Variants in TP63 observed in about 807,000 individuals in gnomAD.
TP63 encodes the protein tumor protein 63.
In TP63, 17 loss-of-function variants were observed where a neutral mutation model predicts 82.8. The observed-to-expected ratio is 0.21, with a 90% confidence interval of 0.14 to 0.31. TP63 has a LOEUF of 0.31. Ranked by LOEUF, TP63 falls within the 10% of genes least tolerant of loss-of-function variation. The probability of loss-of-function intolerance (pLI) is 1.00; values close to 1 mark genes in which losing one functional copy is unlikely to be tolerated. For missense variants in TP63, 648 were observed against 895.3 expected (o/e 0.72, Z 3.52); for synonymous variants, 330 against 321.7 (o/e 1.03, Z -0.28).
intron 1 of TP63, among the ~76,000 whole-genome samples, chr3:189,728,107 C>A (rs980674990): frequency 4.0e-5 from 6 of 151,322 alleles, no homozygotes; most frequent in Non-Finnish European, 5.9e-5. Flanking sequence ...GATGGCTAGG[C>A]TCCAGAACTA....
At chr3:189,751,116 A>G (rs1424246980) in intron 3 of TP63, among the ~76,000 whole-genome samples, 1 of 152,138 alleles carries the variant, frequency 6.6e-6, no homozygotes, top group Non-Finnish European at 1.5e-5. Flanking sequence ...GATTGTTTCC[A>G]GCTTCATCCA....
At chr3:189,842,884 T>C (rs1714335554) in intron 4 of TP63, among the ~76,000 whole-genome samples, 1 of 152,154 alleles carries the variant, frequency 6.6e-6, no homozygotes, top group Admixed American at 6.5e-5. Context: ...GTCTGCTCTG[T>C]GAAGGTAACT....
chr3:189,730,377 G>T (rs925057642), intron 1 of TP63, among the ~76,000 whole-genome samples: 1 of 152,102 alleles, frequency 6.6e-6, no homozygotes, highest in Non-Finnish European at 1.5e-5. Context: ...GTGGAAAAAG[G>T]CTGACTATTT....
intron 1 of TP63, among the ~76,000 whole-genome samples, chr3:189,652,734 C>T (rs1713001291): frequency 6.8e-6 from 1 of 146,756 alleles, no homozygotes; most frequent in Non-Finnish European, 1.5e-5. Context: ...TGGGAGGGAT[C>T]AGGTGGAGAT....
At chr3:189,887,493 A>G (rs1720575982) in intron 11 of TP63, among the ~76,000 whole-genome samples, 1 of 152,188 alleles carries the variant, frequency 6.6e-6, no homozygotes, top group South Asian at 2.1e-4. Context: ...TGAAAAAGGC[A>G]CTGTAAGAAT....
At chr3:189,790,465 C>G (rs1298447120) in intron 3 of TP63, among the ~76,000 whole-genome samples, 1 of 151,976 alleles carries the variant, frequency 6.6e-6, no homozygotes, top group Non-Finnish European at 1.5e-5. Flanking sequence ...AATATTTATA[C>G]ATGCATACAT....
At chr3:189,749,689 C>G (rs1410355051) in intron 3 of TP63, among the ~76,000 whole-genome samples, 1 of 151,946 alleles carries the variant, frequency 6.6e-6, no homozygotes, top group African/African-American at 2.4e-5. Context: ...AAATATTTAT[C>G]CAAAGGAAAA....
At chr3:189,657,032 A>T (rs1202717374) in intron 1 of TP63, among the ~76,000 whole-genome samples, 1 of 147,972 alleles carries the variant, frequency 6.8e-6, no homozygotes. Context: ...AAAAAAAAAA[A>T]AGACAACAAG....
chr3:189,811,722 T>C (rs1319343289), intron 4 of TP63, among the ~76,000 whole-genome samples: 2 of 152,194 alleles, frequency 1.3e-5, no homozygotes, highest in Non-Finnish European at 1.5e-5. Context: ...ATGAGGAAAC[T>C]TGAAGATGTA....
intron 4 of TP63, among the ~76,000 whole-genome samples, chr3:189,854,031 T>G (rs1715978068): frequency 6.6e-6 from 1 of 152,202 alleles, no homozygotes. Context: ...CATAAAATTC[T>G]GCATTCCAGG....
intron 3 of TP63, among the ~76,000 whole-genome samples, chr3:189,750,967 C>A (rs893330276): frequency 3.9e-5 from 6 of 152,114 alleles, no homozygotes; most frequent in African/African-American, 2.4e-5. Context: ...ATCCCTCCCC[C>A]AAACCCCCAC....
intron 4 of TP63, among the ~76,000 whole-genome samples, chr3:189,840,580 G>C (rs1029447308): frequency 3.3e-5 from 5 of 151,694 alleles, no homozygotes; most frequent in African/African-American, 1.2e-4. Context: ...GTTCACGGTG[G>C]CTGGGTGCGG....
intron 4 of TP63, among the ~76,000 whole-genome samples, chr3:189,843,324 A>G (rs1714406410): frequency 6.6e-6 from 1 of 152,212 alleles, no homozygotes; most frequent in Non-Finnish European, 1.5e-5. Flanking sequence ...AGTGAGTAGC[A>G]GACAGCCCAC....
At chr3:189,605,896 T>A in the TP63 span, among the ~76,000 whole-genome samples, 1 of 151,966 alleles carries the variant, frequency 6.6e-6, no homozygotes, top group Non-Finnish European at 1.5e-5. Context: ...ATTTGAGCTT[T>A]GGTGTTCATA....
intron 3 of TP63, 130 bp from the exon 4 acceptor site, chr3:189,808,142 A>G (rs1159933117): frequency 6.7e-7 from 1 of 1,484,236 alleles, no homozygotes; most frequent in African/African-American, 1.4e-5. Flanking sequence ...CAACGGTTTT[A>G]CTTTGAATGT....
intron 10 of TP63, chr3:189,881,034 C>A (rs1360557195): frequency 1.0e-6 from 1 of 985,250 alleles, no homozygotes; most frequent in Non-Finnish European, 1.2e-6. Context: ...TAGTTGTTTA[C>A]CATTATTCAA....
chr3:189,757,868 T>C (rs1468442942), intron 3 of TP63, among the ~76,000 whole-genome samples: 2 of 151,992 alleles, frequency 1.3e-5, no homozygotes, highest in South Asian at 2.1e-4. Context: ...AGTCTCCCGA[T>C]AGATAGAAAA....
At chr3:189,640,602 G>A (rs776743559) in intron 1 of TP63, among the ~76,000 whole-genome samples, 10 of 152,128 alleles carry the variant, frequency 6.6e-5, no homozygotes, top group South Asian at 6.2e-4. Context: ...ATGCACTACC[G>A]AACCTCTTGT....
chr3:189,649,437 A>T (rs778133624), intron 1 of TP63, among the ~76,000 whole-genome samples: 1 of 146,790 alleles, frequency 6.8e-6, no homozygotes, highest in Non-Finnish European at 1.5e-5. Flanking sequence ...ACGCGTGGAC[A>T]CAGAAATGGA....
Sources: allele counts gnomAD v4.1 joint callset (sites outside exome capture counted in the v4.1 genomes callset), GRCh38; gene constraint gnomAD v4.1.1; transcripts MANE v1.5; gene names NCBI Gene and HGNC (gene_info 2026-07-23, HGNC 2026-07-21).